The following KCNIP4 variants were observed in gnomAD, a reference collection of about 807,000 sequenced individuals.
The protein encoded by KCNIP4 is potassium voltage-gated channel interacting protein 4.
A neutral mutation model predicts 34.0 loss-of-function variants in KCNIP4; 12 were observed. The ratio of observed to expected loss-of-function variants is 0.35; its 90% CI spans 0.23 to 0.57. The LOEUF (loss-of-function observed/expected upper bound fraction) is 0.57, where lower values mean the gene tolerates loss of function less well. KCNIP4 is among the 20% of genes least tolerant of loss of function. The pLI, the probability that KCNIP4 is intolerant of heterozygous loss-of-function variation, is 0.83. For synonymous variants in KCNIP4, 124 were observed against 102.2 expected (o/e 1.21, Z -1.29); for missense variants, 238 against 311.7 (o/e 0.76, Z 1.78).
chr4:21,024,115 C>T lies in KCNIP4; in HGVS notation c.62-141406G>A, dbSNP rs183733632. Among the ~76,000 whole-genome samples the T allele has an allele frequency of 5.9e-5, 9 of 152,274 alleles. No homozygotes were observed. The East Asian group carries it at 1.7e-3, about 29-fold the overall frequency. Reference sequence around the variant, plus strand: ...TGATTTTATATCATAGTTTCTGCTGCACAATTTTAATTCATTTATTTTACT... The same window carrying T: ...TGATTTTATATCATAGTTTCTGCTGTACAATTTTAATTCATTTATTTTACT... On this transcript the variant is annotated intron_variant, in intron 1 of 8. Transcript: ENST00000382152.
In KCNIP4 at chr4:21,504,504, A is replaced by AAAGGAAGG. The variant is rs1288325980; in HGVS notation, c.61+444059_61+444066dup. Reference sequence around the variant, plus strand: ...GAAAGAAAGAAAGAAAGAAAGAAAGAAAGGAAGGAAGGAAGAAAGCAAGCA... The same window carrying AAAGGAAGG: ...GAAAGAAAGAAAGAAAGAAAGAAAGAAAGGAAGGAAGGAAGGAAGGAAGAAAGCAAGCA... On this transcript the variant is annotated intron_variant, in intron 1 of 8. Coordinates refer to ENST00000382152, the MANE Select transcript of KCNIP4 (RefSeq NM_025221.6). 4.9e-3 allele frequency among the ~76,000 whole-genome samples: 650 copies of AAAGGAAGG among 133,474 alleles called. 7 individuals are homozygous for AAAGGAAGG. Among genetic ancestry groups the AAAGGAAGG allele is most frequent in the South Asian group, 0.016 (64 of 3,892 alleles). 87.6% of individuals were successfully genotyped at this position (133,474 alleles called of 152,430 possible).
intron 1 of KCNIP4, among the ~76,000 whole-genome samples, chr4:21,426,276 G>T (rs966859400): frequency 2.0e-5 from 3 of 152,162 alleles, no homozygotes; most frequent in African/African-American, 7.2e-5. Flanking sequence ...CGTAGATATG[G>T]ACACATGGAG....
intron 1 of KCNIP4, among the ~76,000 whole-genome samples, chr4:21,343,111 T>C (rs1716922783): frequency 1.3e-5 from 2 of 152,106 alleles, no homozygotes; most frequent in Non-Finnish European, 2.9e-5. Flanking sequence ...GACCCAATTA[T>C]AGCAGTCTGC....
chr4:20,902,011 G>T (rs1184522548), intron 1 of KCNIP4, among the ~76,000 whole-genome samples: 1 of 151,968 alleles, frequency 6.6e-6, no homozygotes, highest in African/African-American at 2.4e-5. Context: ...GGAATTCTGC[G>T]GTGGTACAAG....
chr4:21,026,110 A>G (rs538227443), intron 1 of KCNIP4, among the ~76,000 whole-genome samples: 2 of 152,298 alleles, frequency 1.3e-5, no homozygotes, highest in South Asian at 4.1e-4. Flanking sequence ...AGGCAACTTG[A>G]CTTCTCAGGG....
rs561913252 is a variant in KCNIP4, at chr4:21,344,784, G to C, written c.62-462075C>G. Among the ~76,000 whole-genome samples the C allele has an allele frequency of 2.6e-5, 4 of 152,230 alleles. No homozygotes were observed. In the East Asian group the frequency reaches 7.7e-4, roughly 29 times the overall value. On this transcript the variant is annotated intron_variant, in intron 1 of 8. Transcript: ENST00000382152. ...ATTGATTACTGTTGTTATTTTTAAA[G>C]GTAATTCTTAAAGTCATGTTGTTAG...
At chr4:21,229,536 T>C (rs1196832845) in intron 1 of KCNIP4, among the ~76,000 whole-genome samples, 1 of 152,180 alleles carries the variant, frequency 6.6e-6, no homozygotes, top group African/African-American at 2.4e-5. Flanking sequence ...TGTTCACATC[T>C]TACCAACCTT....
At position 21,270,111 on chromosome 4, in the gene KCNIP4, G is replaced by A. The variant is rs77545705; in HGVS notation, c.62-387402C>T. ...ACTCTAGGTAAACAGTTTAACCACC[G>A]GGGAGTATCATAGGCTCAAAGACTT... On this transcript the variant is annotated intron_variant, in intron 1 of 8. Transcript: ENST00000382152. 1.4e-3 allele frequency among the ~76,000 whole-genome samples: 219 copies of A among 152,262 alleles called. 3 individuals are homozygous for A. The East Asian group carries it at 0.038, about 27-fold the overall frequency.
chr4:21,678,667 T>C (rs1306976339), intron 1 of KCNIP4, among the ~76,000 whole-genome samples: 1 of 152,198 alleles, frequency 6.6e-6, no homozygotes, highest in East Asian at 1.9e-4. Context: ...CTGCACTGGC[T>C]GGCCTGTCTG....
At chr4:21,816,514 G>A (rs571097010) in intron 1 of KCNIP4, among the ~76,000 whole-genome samples, 62 of 152,206 alleles carry the variant, frequency 4.1e-4, no homozygotes, top group African/African-American at 1.2e-3. Context: ...GAGCTTTAGC[G>A]TTTCAGACAT....
chr4:21,541,072 G>A (rs1015415921), intron 1 of KCNIP4, among the ~76,000 whole-genome samples: 38 of 151,932 alleles, frequency 2.5e-4, no homozygotes, highest in African/African-American at 8.7e-4. Context: ...TTGGGAGGCT[G>A]AGGTGGGAGA....
At chr4:21,687,727 G>A (rs1750924144) in intron 1 of KCNIP4, among the ~76,000 whole-genome samples, 1 of 151,936 alleles carries the variant, frequency 6.6e-6, no homozygotes, top group African/African-American at 2.4e-5. Context: ...TCCTAGTTTT[G>A]GTGACCCTCT....
At chr4:21,495,438 C>T (rs1394085447) in intron 1 of KCNIP4, among the ~76,000 whole-genome samples, 1 of 152,136 alleles carries the variant, frequency 6.6e-6, no homozygotes, top group Non-Finnish European at 1.5e-5. Flanking sequence ...CTGCTCTCTC[C>T]AATCTTTGTG....
intron 1 of KCNIP4, among the ~76,000 whole-genome samples, chr4:21,216,045 C>A (rs1157946836): frequency 6.6e-6 from 1 of 152,150 alleles, no homozygotes; most frequent in East Asian, 1.9e-4. Context: ...CCAGCCTCAG[C>A]CTCCCAAAGT....
At chr4:21,268,317 A>C (rs1365180814) in intron 1 of KCNIP4, among the ~76,000 whole-genome samples, 1 of 140,694 alleles carries the variant, frequency 7.1e-6, no homozygotes. Context: ...CTGGGTGCAC[A>C]TAAACAGGTT....
chr4:21,535,281 T>A lies in KCNIP4; in HGVS notation c.61+413290A>T, dbSNP rs1254281212. Among the ~76,000 whole-genome samples the A allele has an allele frequency of 2.6e-5, 4 of 152,180 alleles. No homozygotes were observed. In the East Asian group the frequency reaches 7.7e-4, roughly 29 times the overall value. ...AGAATTGGACACAGTGTTCTTCCAA[T>A]GTATAGAAAAGTCTACTCAGAAGGC... On this transcript the variant is annotated intron_variant, in intron 1 of 8. Coordinates refer to ENST00000382152, the MANE Select transcript of KCNIP4 (RefSeq NM_025221.6).
chr4:20,999,790 A>G (rs890865318), intron 1 of KCNIP4, among the ~76,000 whole-genome samples: 1 of 152,198 alleles, frequency 6.6e-6, no homozygotes, highest in African/African-American at 2.4e-5. Flanking sequence ...TCAGAAAAAA[A>G]AATACCATTT....
At chr4:21,754,292 T>A (rs1033744611) in intron 1 of KCNIP4, among the ~76,000 whole-genome samples, 1 of 152,146 alleles carries the variant, frequency 6.6e-6, no homozygotes, top group Non-Finnish European at 1.5e-5. Context: ...CTACCTTGCT[T>A]TATTTGTCTA....
At chr4:21,491,760 TCA>T (rs1175306959) in intron 1 of KCNIP4, among the ~76,000 whole-genome samples, 1 of 152,204 alleles carries the variant, frequency 6.6e-6, no homozygotes, top group Non-Finnish European at 1.5e-5. Context: ...GTTTGTTTTA[TCA>T]GTGTTGGCCT....
Sources: allele counts gnomAD v4.1 joint callset (sites outside exome capture counted in the v4.1 genomes callset), GRCh38; gene constraint gnomAD v4.1.1; transcripts MANE v1.5; gene names NCBI Gene and HGNC (gene_info 2026-07-23, HGNC 2026-07-21).